BAZ2B: variants seen among roughly 807,000 people sequenced by gnomAD.
BAZ2B encodes the protein bromodomain adjacent to zinc finger domain 2B, also known as bromodomain adjacent to zinc finger domain protein 2B.
BAZ2B carries 91 observed loss-of-function variants against 246.0 expected under a neutral mutation model. The ratio of observed to expected loss-of-function variants is 0.37; its 90% CI spans 0.31 to 0.44. The LOEUF is 0.44. Among genes scored for constraint, BAZ2B ranks in the 20% least tolerant of loss-of-function variants. The pLI, the probability that BAZ2B is intolerant of heterozygous loss-of-function variation, is 1.00. For synonymous variants in BAZ2B, 855 were observed against 860.0 expected, an observed-to-expected ratio of 0.99 and a Z score of 0.10; for missense variants, 2,332 against 2,533.7, an observed-to-expected ratio of 0.92 and a Z score of 1.71.
the BAZ2B span, among the ~76,000 whole-genome samples, chr2:159,692,706 TAAAA>T: frequency 6.6e-6 from 1 of 151,916 alleles, no homozygotes; most frequent in African/African-American, 2.4e-5. Context: ...AATTAAAAAA[TAAAA>T]AAAATCTACA....
rs2061030151 is a variant in BAZ2B, at chr2:159,373,111, T to C, written c.4147A>G (p.Arg1383Gly). Residue 1383 changes from arginine to glycine, a missense_variant, in exon 27 of 37, where the codon AGA becomes GGA. Around this residue, in one of 9 missense-constraint regions of BAZ2B, gnomAD observed 676 missense variants for 668.6 expected, o/e 1.01. Coordinates refer to ENST00000392783, the MANE Select transcript of BAZ2B (RefSeq NM_013450.4). ...TGGGGAAGAATCCAGTACCGGCGTC[T>C]GTAACGATCTTGGCCAAACATCACT... ...RSVMFGQDRY[R>G]RRYWILPQCG... The C allele has an allele frequency of 1.9e-6, 3 of 1,614,038 alleles. No individual in the cohort carries two copies. The highest frequency in any genetic ancestry group is 2.5e-6 in the Non-Finnish European group (3 of 1,179,978).
chr2:159,418,207 A>G (rs1247100259), intron 13 of BAZ2B, among the ~76,000 whole-genome samples: 2 of 152,228 alleles, frequency 1.3e-5, no homozygotes, highest in African/African-American at 4.8e-5. Context: ...TGACTTATAA[A>G]CAGACTTTTA....
At chr2:159,439,692 T>C (rs1476135675) in intron 6 of BAZ2B, among the ~76,000 whole-genome samples, 1 of 152,186 alleles carries the variant, frequency 6.6e-6, no homozygotes, top group African/African-American at 2.4e-5. Context: ...TTACTAGTGC[T>C]GGTGATAGGG....
chr2:159,681,144 CAT>C, the BAZ2B span, among the ~76,000 whole-genome samples: 6,302 of 151,908 alleles, frequency 0.041, 419 homozygotes, highest in African/African-American at 0.14. Flanking sequence ...AGAGAAATAC[CAT>C]ATGTTTTACT....
chr2:159,465,692 T>C (rs1299271480), intron 3 of BAZ2B, among the ~76,000 whole-genome samples: 1 of 152,064 alleles, frequency 6.6e-6, no homozygotes, highest in Non-Finnish European at 1.5e-5. Flanking sequence ...GAGGCCGAGG[T>C]GGGCAGATCA....
At chr2:159,466,988 AAATT>A (rs909057074) in intron 3 of BAZ2B, among the ~76,000 whole-genome samples, 5 of 152,216 alleles carry the variant, frequency 3.3e-5, no homozygotes, top group Non-Finnish European at 7.3e-5. Context: ...GGGACACATC[AAATT>A]AATTATTATA....
chr2:159,530,346 C>T (rs2085246026), intron 2 of BAZ2B, among the ~76,000 whole-genome samples: 1 of 152,130 alleles, frequency 6.6e-6, no homozygotes, highest in African/African-American at 2.4e-5. Context: ...TCCAGCTGAA[C>T]GTATTTCACA....
the BAZ2B span, among the ~76,000 whole-genome samples, chr2:159,642,225 C>CCTTT: frequency 6.8e-6 from 1 of 146,920 alleles, no homozygotes; most frequent in Non-Finnish European, 1.5e-5. Context: ...TTTTCTTTTT[C>CCTTT]CTTTCTTTCT....
At chr2:159,386,977 A>G (rs2149552012) in intron 21 of BAZ2B, among the ~76,000 whole-genome samples, 1 of 152,136 alleles carries the variant, frequency 6.6e-6, no homozygotes, top group East Asian at 1.9e-4. Flanking sequence ...AAATATAAAC[A>G]TTTCAAAAGT....
chr2:159,548,914 T>A (rs1389928441), intron 2 of BAZ2B, among the ~76,000 whole-genome samples: 4 of 152,138 alleles, frequency 2.6e-5, no homozygotes, highest in Non-Finnish European at 4.4e-5. Flanking sequence ...CTTACCAAAG[T>A]TTTTAGTTTA....
chr2:159,638,470 T>C, the BAZ2B span, among the ~76,000 whole-genome samples: 4 of 152,264 alleles, frequency 2.6e-5, no homozygotes, highest in East Asian at 7.7e-4. Flanking sequence ...TCAGAATAGC[T>C]GTTGTGAGGA....
intron 2 of BAZ2B, among the ~76,000 whole-genome samples, chr2:159,482,294 A>T (rs1345794391): frequency 6.6e-6 from 1 of 152,180 alleles, no homozygotes; most frequent in Non-Finnish European, 1.5e-5. Context: ...CTGGGTTCAA[A>T]CACTGTGCCT....
intron 10 of BAZ2B, 81 bp downstream of exon 10, chr2:159,430,782 T>C: frequency 6.6e-7 from 1 of 1,522,656 alleles, no homozygotes. Context: ...AGTGAGATCA[T>C]CTCCAGAACA....
chr2:159,681,586 G>T, the BAZ2B span, among the ~76,000 whole-genome samples: 7 of 152,150 alleles, frequency 4.6e-5, no homozygotes, highest in Admixed American at 2.0e-4. Flanking sequence ...TATCAGTTTG[G>T]ATAATATACA....
chr2:159,429,906 T>C (rs2150152132), intron 10 of BAZ2B, among the ~76,000 whole-genome samples: 1 of 152,200 alleles, frequency 6.6e-6, no homozygotes, highest in South Asian at 2.1e-4. Flanking sequence ...AACAACAAAA[T>C]ATTTTACTAT....
chr2:159,428,101 G>T, intron 12 of BAZ2B, 59 bp from the exon 13 acceptor site: 1 of 1,474,226 alleles, frequency 6.8e-7, no homozygotes, highest in Non-Finnish European at 9.5e-7. Context: ...CAGCTTTGAT[G>T]TATAGCTAGC....
intron 2 of BAZ2B, among the ~76,000 whole-genome samples, chr2:159,513,749 G>T (rs766223632): frequency 6.6e-6 from 1 of 152,092 alleles, no homozygotes; most frequent in Non-Finnish European, 1.5e-5. Flanking sequence ...CTAACTGGTG[G>T]TCCATGACTC....
chr2:159,369,749 A>C (rs1177983805), intron 27 of BAZ2B, among the ~76,000 whole-genome samples: 2 of 152,164 alleles, frequency 1.3e-5, no homozygotes, highest in African/African-American at 4.8e-5. Flanking sequence ...CCACTCACCT[A>C]GGCATTAAAA....
At chr2:159,679,231 C>T in the BAZ2B span, among the ~76,000 whole-genome samples, 6 of 134,222 alleles carry the variant, frequency 4.5e-5, no homozygotes, top group African/African-American at 8.7e-5. Flanking sequence ...AAGATTGCTC[C>T]GCTGCACTCC....
Sources: gnomAD v4.1 joint callset for allele counts (sites outside exome capture counted in the v4.1 genomes callset) on GRCh38, gnomAD v4.1.1 for gene constraint, gnomAD v4.1.1 regional missense constraint, MANE v1.5 for transcripts, NCBI Gene and HGNC (gene_info 2026-07-23, HGNC 2026-07-21) for gene names.